Variants in GRHL2 observed in about 807,000 individuals in gnomAD.
The protein encoded by GRHL2 is grainyhead like transcription factor 2.
In GRHL2, 21 loss-of-function variants were observed where a neutral mutation model predicts 83.8. The ratio of observed to expected loss-of-function variants is 0.25; its 90% confidence interval spans 0.18 to 0.36. The LOEUF (loss-of-function observed/expected upper bound fraction) is 0.36, where lower values mean the gene tolerates loss of function less well. GRHL2 is among the 10% of genes least tolerant of loss of function. The pLI, the probability that GRHL2 is intolerant of heterozygous loss-of-function variation, is 1.00. For missense variants in GRHL2, 623 were observed against 781.8 expected (o/e 0.80, Z 2.42); for synonymous variants, 280 against 278.9 (o/e 1.00, Z -0.04).
chr8:101,656,967 G>A (rs1331569027), intron 14 of GRHL2, among the ~76,000 whole-genome samples: 1 of 151,602 alleles, frequency 6.6e-6, no homozygotes, highest in Non-Finnish European at 1.5e-5. Flanking sequence ...AAGGTGAAGA[G>A]GCTAGAGAAA....
chr8:101,675,222 A>G, the GRHL2 span, among the ~76,000 whole-genome samples: 2 of 152,154 alleles, frequency 1.3e-5, no homozygotes, highest in East Asian at 1.9e-4. Flanking sequence ...AATTAGGCAG[A>G]AGAAGGAAAT....
intron 6 of GRHL2, among the ~76,000 whole-genome samples, chr8:101,574,315 T>C (rs906551928): frequency 2.2e-4 from 33 of 151,956 alleles, no homozygotes; most frequent in African/African-American, 7.7e-4. Flanking sequence ...CCACCAGGAG[T>C]CACTTGGGGG....
At chr8:101,558,937 A>T (rs1419370196) in intron 4 of GRHL2, 125 bp downstream of exon 4, 27 of 1,055,502 alleles carry the variant, frequency 2.6e-5, no homozygotes, top group Non-Finnish European at 3.4e-5. Flanking sequence ...TTAGTTTTTT[A>T]AAAGATGTGT....
chr8:101,591,701 G>C (rs957226883), intron 7 of GRHL2, among the ~76,000 whole-genome samples: 2 of 152,186 alleles, frequency 1.3e-5, no homozygotes, highest in Non-Finnish European at 2.9e-5. Flanking sequence ...GCTGAACTTC[G>C]CTGTGGGAGG....
intron 12 of GRHL2, among the ~76,000 whole-genome samples, chr8:101,643,579 T>C (rs1036669953): frequency 6.6e-6 from 1 of 152,030 alleles, no homozygotes; most frequent in Non-Finnish European, 1.5e-5. Context: ...AAGGTCTGAG[T>C]GTGTAAGGAA....
intron 1 of GRHL2, among the ~76,000 whole-genome samples, chr8:101,533,338 C>T (rs186234598): frequency 1.3e-5 from 2 of 152,330 alleles, no homozygotes; most frequent in African/African-American, 4.8e-5. Context: ...AAGAATGCAG[C>T]TCCTCCCATT....
At chr8:101,675,575 G>A in the GRHL2 span, among the ~76,000 whole-genome samples, 2 of 152,010 alleles carry the variant, frequency 1.3e-5, no homozygotes, top group African/African-American at 4.8e-5. Context: ...CAAACAAATG[G>A]AAGAACATTC....
intron 1 of GRHL2, among the ~76,000 whole-genome samples, chr8:101,541,147 G>GGTGTGTGT (rs56763374): frequency 1.4e-5 from 2 of 144,258 alleles, no homozygotes; most frequent in East Asian, 2.0e-4. Flanking sequence ...ACTATTTCAT[G>GGTGTGTGT]GTGTGTGTGT....
chr8:101,591,156 A>G (rs1398377684), intron 7 of GRHL2, among the ~76,000 whole-genome samples: 2 of 152,204 alleles, frequency 1.3e-5, no homozygotes, highest in Admixed American at 6.5e-5. Flanking sequence ...AAATAACAAA[A>G]GGATTCACCA....
intron 7 of GRHL2, among the ~76,000 whole-genome samples, chr8:101,597,519 T>C (rs974126328): frequency 5.3e-5 from 8 of 152,192 alleles, no homozygotes; most frequent in African/African-American, 1.9e-4. Flanking sequence ...GATGAGTTCA[T>C]GTCCTTTGTA....
intron 11 of GRHL2, among the ~76,000 whole-genome samples, chr8:101,636,328 G>A (rs954093353): frequency 2.0e-5 from 3 of 152,192 alleles, no homozygotes; most frequent in Non-Finnish European, 4.4e-5. Context: ...CTGGCCTGAA[G>A]ACTGTTGACT....
chr8:101,542,005 T>C (rs1329902286), intron 1 of GRHL2, among the ~76,000 whole-genome samples: 2 of 152,208 alleles, frequency 1.3e-5, no homozygotes, highest in African/African-American at 4.8e-5. Context: ...GGATCTACAA[T>C]AGAGTCCGTC....
rs1300277434 is a variant in GRHL2 at position 101,558,749 on chromosome 8, A to G, written c.615A>G (p.Lys205=). Residue 205 remains lysine (K), a synonymous_variant, in exon 4 of 16, where the codon AAA becomes AAG. Coordinates refer to ENST00000646743, the MANE Select transcript of GRHL2 (RefSeq NM_024915.4). ...PSLATHSAYL[K]DDQRSTPDST... is the part of the protein sequence containing the mutation. ...TGGCCACCCACAGCGCCTATCTCAA[A>G]GACGACCAGCGCAGCACTCCGGACA... 6.2e-7 allele frequency: 1 copy of G among 1,614,178 alleles called. No individual in the cohort carries two copies. The highest frequency in any genetic ancestry group is 8.5e-7 in the Non-Finnish European group (1 of 1,180,026).
At chr8:101,493,508 G>T (rs1810018528) in intron 1 of GRHL2, among the ~76,000 whole-genome samples, 1 of 152,022 alleles carries the variant, frequency 6.6e-6, no homozygotes, top group South Asian at 2.1e-4. Context: ...GGAAAGGACG[G>T]TTCGCGAACT....
At chr8:101,558,123 C>T (rs935277800) in intron 3 of GRHL2, among the ~76,000 whole-genome samples, 1 of 152,134 alleles carries the variant, frequency 6.6e-6, no homozygotes, top group Admixed American at 6.5e-5. Flanking sequence ...CCTTGGCCTC[C>T]CAAAGTACTG....
intron 1 of GRHL2, among the ~76,000 whole-genome samples, chr8:101,538,523 C>A (rs1811090175): frequency 6.6e-6 from 1 of 152,192 alleles, no homozygotes; most frequent in African/African-American, 2.4e-5. Flanking sequence ...AAAGCAGGAC[C>A]TTGGGATCGA....
In GRHL2 at chr8:101,580,848, C is replaced by G. The variant is rs559149569; in HGVS notation, c.1003+3329C>G. 1.2e-4 allele frequency among the ~76,000 whole-genome samples: 19 copies of G among 152,204 alleles called. No homozygotes were observed. The Middle Eastern group carries it at 0.017, about 136-fold the overall frequency. On this transcript the variant is annotated intron_variant, in intron 7 of 15. Transcript: ENST00000646743. ...CCTCCTGAGTAGCTGGGGCTACAGGCACACGCCACCACGCCCAGCTAATTT... is the reference window on the plus strand; with the variant it reads ...CCTCCTGAGTAGCTGGGGCTACAGGGACACGCCACCACGCCCAGCTAATTT...
intron 7 of GRHL2, among the ~76,000 whole-genome samples, chr8:101,588,416 G>A (rs1050107615): frequency 6.6e-6 from 1 of 152,200 alleles, no homozygotes; most frequent in African/African-American, 2.4e-5. Flanking sequence ...CTAGCAACAT[G>A]AGTCATTCAA....
At chr8:101,625,679 T>A (rs140622749) in intron 9 of GRHL2, among the ~76,000 whole-genome samples, 23 of 152,134 alleles carry the variant, frequency 1.5e-4, no homozygotes, top group Non-Finnish European at 2.9e-4. Flanking sequence ...GCATAAAAAC[T>A]GGGAAGGACT....
Sources: allele counts gnomAD v4.1 joint callset (sites outside exome capture counted in the v4.1 genomes callset), GRCh38; gene constraint gnomAD v4.1.1; transcripts MANE v1.5; gene names NCBI Gene and HGNC (gene_info 2026-07-23, HGNC 2026-07-21).